TMEM68: variants seen among roughly 807,000 people sequenced by gnomAD.
TMEM68 encodes the protein DGAT1/2-independent enzyme synthesizing storage lipids.
A neutral mutation model predicts 36.9 loss-of-function variants in TMEM68; 25 were observed. The observed-to-expected ratio is 0.68, with a 90% CI of 0.49 to 0.95. TMEM68 has a LOEUF of 0.95. TMEM68 is among the 40% of genes least tolerant of loss of function. The pLI is 0.00. For missense variants in TMEM68, 333 were observed against 392.0 expected, an observed-to-expected ratio of 0.85 and a Z score of 1.27; for synonymous variants, 131 against 124.4, an observed-to-expected ratio of 1.05 and a Z score of -0.35.
At chr8:55,755,183 A>C (rs1339905006) in intron 4 of TMEM68, among the ~76,000 whole-genome samples, 1 of 151,640 alleles carries the variant, frequency 6.6e-6, no homozygotes, top group Non-Finnish European at 1.5e-5. Flanking sequence ...TATTGTTATA[A>C]ATCTTATCAG....
At chr8:55,756,664 T>TA (rs1462233378) in intron 3 of TMEM68, among the ~76,000 whole-genome samples, 1 of 151,634 alleles carries the variant, frequency 6.6e-6, no homozygotes, top group East Asian at 1.9e-4. Context: ...CGCCAGACAC[T>TA]AAGGAAGGCA....
At chr8:55,756,179 A>G (rs925328061) in intron 4 of TMEM68, 65 bp downstream of exon 4, 26 of 1,439,562 alleles carry the variant, frequency 1.8e-5, no homozygotes, top group Non-Finnish European at 9.4e-7. Context: ...CAGGATAGAG[A>G]CGACCACATA....
At chr8:55,759,895 AG>A (rs2129995980) in intron 3 of TMEM68, among the ~76,000 whole-genome samples, 1 of 152,370 alleles carries the variant, frequency 6.6e-6, no homozygotes, top group South Asian at 2.1e-4. Flanking sequence ...GCGAGATCAG[AG>A]GCTCATGCCA....
At chr8:55,762,498 A>C (rs1810826060) in intron 3 of TMEM68, 137 bp downstream of exon 3, 1 of 1,477,380 alleles carries the variant, frequency 6.8e-7, no homozygotes, top group Non-Finnish European at 9.0e-7. Context: ...AATGCATGCA[A>C]ACAGGTAACA....
chr8:55,754,513 G>GTA (rs1190060302), intron 4 of TMEM68, among the ~76,000 whole-genome samples: 6 of 132,866 alleles, frequency 4.5e-5, no homozygotes, highest in Admixed American at 8.2e-5. Flanking sequence ...ACACACACGT[G>GTA]TATATATATA....
chr8:55,767,185 C>T lies in TMEM68; in HGVS notation c.-114-3205G>A, dbSNP rs190497533. ...AATAGCATCTACCTAATAAGACTATCGTGAAGATTACGTGTAAAAAAACTC... is the reference window on the plus strand; with the variant it reads ...AATAGCATCTACCTAATAAGACTATTGTGAAGATTACGTGTAAAAAAACTC... On this transcript the variant is annotated intron_variant, in intron 1 of 7. Transcript: ENST00000434581. Among the ~76,000 whole-genome samples the T allele has an allele frequency of 4.0e-5, 6 of 150,258 alleles. No homozygotes were observed. The East Asian group carries it at 1.2e-3, about 30-fold the overall frequency.
intron 3 of TMEM68, among the ~76,000 whole-genome samples, chr8:55,758,002 G>A (rs1810658779): frequency 6.6e-6 from 1 of 152,170 alleles, no homozygotes; most frequent in Non-Finnish European, 1.5e-5. Flanking sequence ...GAGGGCAGGG[G>A]CATGAACAAG....
chr8:55,752,672 T>C (rs1810455442), intron 4 of TMEM68, among the ~76,000 whole-genome samples: 1 of 150,524 alleles, frequency 6.6e-6, no homozygotes, highest in South Asian at 2.1e-4. Flanking sequence ...TCATAATGAA[T>C]GAATGAACAG....
At chr8:55,754,978 T>C (rs568057618) in intron 4 of TMEM68, among the ~76,000 whole-genome samples, 79 of 133,100 alleles carry the variant, frequency 5.9e-4, no homozygotes, top group African/African-American at 2.0e-3. Flanking sequence ...CACACACACA[T>C]AGCCTTTATA....
At chr8:55,750,874 C>CT (rs1810411148) in intron 5 of TMEM68, 90 bp downstream of exon 5, 2 of 1,312,646 alleles carry the variant, frequency 1.5e-6, no homozygotes, top group Admixed American at 2.4e-5. Context: ...GCGAAAGTGT[C>CT]TAAGTTCTTA....
At chr8:55,768,397 T>TTGC (rs977843298) in intron 1 of TMEM68, among the ~76,000 whole-genome samples, 3 of 152,086 alleles carry the variant, frequency 2.0e-5, no homozygotes, top group East Asian at 3.9e-4. Flanking sequence ...GAGTTGTTCC[T>TTGC]TGCTGCTGCT....
chr8:55,754,041 G>A lies in TMEM68; in HGVS notation c.493+2203C>T, dbSNP rs992961604. Among the ~76,000 whole-genome samples the A allele has an allele frequency of 5.3e-5, 8 of 151,992 alleles. 1 individual carries two copies. The South Asian group carries it at 6.2e-4, about 12-fold the overall frequency. On this transcript the variant is annotated intron_variant, in intron 4 of 7. Transcript: ENST00000434581. ...TGAGGGGCGGAGGCTGCAGTGAGTC[G>A]CGATCGCACCATTGCACTCCAGCCT...
At chr8:55,762,464 TAAGA>T in intron 3 of TMEM68, 167 bp downstream of exon 3, 2 of 1,316,880 alleles carry the variant, frequency 1.5e-6, no homozygotes. Context: ...AAACTCATTT[TAAGA>T]AAGACACATA....
In TMEM68 at chr8:55,766,835, A is replaced by C. The variant is rs113593087; in HGVS notation, c.-114-2855T>G. Among the ~76,000 whole-genome samples, 891 of 152,354 alleles carry C rather than the reference A, an allele frequency of 5.8e-3. 5 individuals are homozygous for C. Among genetic ancestry groups the C allele is most frequent in the African/African-American group, 0.02 (837 of 41,590 alleles). ...TTGCAATAAGTGATGAAAGTGGCTT[A>C]CATACATGTGGCAGAGGGAAGGCAG... is the stretch of plus-strand genomic sequence containing the variant. On this transcript the variant is annotated intron_variant, in intron 1 of 7. Transcript: ENST00000434581.
At chr8:55,764,190 T>C (rs17445370) in intron 1 of TMEM68, among the ~76,000 whole-genome samples, 32 of 152,326 alleles carry the variant, frequency 2.1e-4, no homozygotes, top group African/African-American at 6.3e-4. Context: ...TCTACACTGT[T>C]TAGTGCCACT....
At chr8:55,767,546 G>T (rs1264425177) in intron 1 of TMEM68, among the ~76,000 whole-genome samples, 1 of 152,104 alleles carries the variant, frequency 6.6e-6, no homozygotes, top group Non-Finnish European at 1.5e-5. Flanking sequence ...GGGTATAAGT[G>T]GATGGCCCTG....
intron 3 of TMEM68, among the ~76,000 whole-genome samples, chr8:55,756,695 T>G: frequency 6.6e-6 from 1 of 150,524 alleles, no homozygotes; most frequent in Non-Finnish European, 1.5e-5. Context: ...TGGTGCGGAG[T>G]GGGGAGTCAG....
Position 55,762,879 on chromosome 8 carries a change from T to C in TMEM68, c.81A>G (p.Glu27=). ...YMICLIHILE[E]WFGVEQLEDY... ...CCTCCAACTGCTCCACACCAAACCA[T>C]TCTTCGAGTATGTGAATCAGACAAA... Residue 27 remains glutamate (E), a synonymous_variant, in exon 3 of 8, where the codon GAA becomes GAG. Coordinates refer to ENST00000434581, the MANE Select transcript of TMEM68 (RefSeq NM_001286657.2). 3 of 1,614,186 alleles carry C rather than the reference T, an allele frequency of 1.9e-6. No homozygotes were observed. Among genetic ancestry groups the C allele is most frequent in the Non-Finnish European group, 2.5e-6 (3 of 1,180,026 alleles).
rs775965704 is a variant in TMEM68 at position 55,762,685 on chromosome 8, G to A, written c.275C>T (p.Ala92Val). 1 of 1,614,110 alleles carries A rather than the reference G, an allele frequency of 6.2e-7. No homozygotes were observed. The highest frequency in any genetic ancestry group is 1.7e-5 in the Admixed American group (1 of 60,016). The stretch of plus-strand genomic sequence containing the variant: ...CCACAGAGTTGCCACTGTTTTCCTT[G>A]CACCATCCCATAAATTATGAGAGTA... Reference protein sequence around the residue: ...EAYSHNLWDGARKTVATLWDG... With the variant: ...EAYSHNLWDGVRKTVATLWDG... Residue 92 changes from alanine to valine, a missense_variant, in exon 3 of 8, where the codon GCA (alanine) becomes GTA (valine). Physicochemically the swap from Ala to Val is moderately conservative, Grantham distance 64. Coordinates refer to ENST00000434581, the MANE Select transcript of TMEM68 (RefSeq NM_001286657.2).
Sources: allele counts gnomAD v4.1 joint callset (sites outside exome capture counted in the v4.1 genomes callset), GRCh38; gene constraint gnomAD v4.1.1; transcripts MANE v1.5; gene names NCBI Gene and HGNC (gene_info 2026-07-23, HGNC 2026-07-21).